The following KIF21A variants were observed in gnomAD, a reference collection of about 807,000 sequenced individuals.
KIF21A encodes kinesin family member 21A.
KIF21A carries 114 observed loss-of-function variants against 202.9 expected under a neutral mutation model. That is an observed-to-expected ratio of 0.56 (90% confidence interval 0.48 to 0.66). KIF21A has a LOEUF of 0.66. Among genes scored for constraint, KIF21A ranks in the 30% least tolerant of loss-of-function variants. The pLI, the probability that KIF21A is intolerant of heterozygous loss-of-function variation, is 0.00. For synonymous variants in KIF21A, 667 were observed against 670.8 expected (o/e 0.99, Z 0.09); for missense variants, 1,677 against 1,994.9 (o/e 0.84, Z 3.04).
intron 1 of KIF21A, among the ~76,000 whole-genome samples, chr12:39,416,906 TAC>T (rs113272244): frequency 2.0e-5 from 3 of 148,668 alleles, no homozygotes; most frequent in African/African-American, 2.5e-5. Flanking sequence ...TATATATATG[TAC>T]ACACACACAC....
chr12:39,358,061 G>A (rs1280368340), intron 8 of KIF21A, 117 bp downstream of exon 8: 1 of 874,836 alleles, frequency 1.1e-6, no homozygotes, highest in Non-Finnish European at 1.9e-6. Context: ...AAGGAAGGAG[G>A]ACACTATTAT....
At chr12:39,334,188 G>C (rs1025206229) in intron 17 of KIF21A, among the ~76,000 whole-genome samples, 1 of 121,120 alleles carries the variant, frequency 8.3e-6, no homozygotes, top group Admixed American at 1.0e-4. Context: ...AGGACACAGT[G>C]AGACTCCATC....
chr12:39,399,110 T>C lies in KIF21A; in HGVS notation c.45-28849A>G, dbSNP rs1951975233. Among the ~76,000 whole-genome samples the C allele has an allele frequency of 2.6e-5, 4 of 152,192 alleles. No homozygotes were observed. The South Asian group carries it at 8.3e-4, about 32-fold the overall frequency. On this transcript the variant is annotated intron_variant, in intron 1 of 37. Coordinates refer to ENST00000361418, the MANE Select transcript of KIF21A (RefSeq NM_001173464.2). The stretch of plus-strand genomic sequence containing the variant: ...GGCATGCACCTGTAGTCCCAGCTAC[T>C]CTGGAGGCTGAGGCTGCAGCATCAC...
chr12:39,300,199 G>A (rs1224865912), intron 37 of KIF21A, among the ~76,000 whole-genome samples: 1 of 152,068 alleles, frequency 6.6e-6, no homozygotes, highest in East Asian at 1.9e-4. Context: ...CAATCCCCAG[G>A]CCTCACTGAT....
chr12:39,438,278 T>C (rs1272705483), intron 1 of KIF21A, among the ~76,000 whole-genome samples: 2 of 152,212 alleles, frequency 1.3e-5, no homozygotes, highest in Non-Finnish European at 2.9e-5. Context: ...AAAGAAATTA[T>C]ATTATTAGGA....
At chr12:39,431,269 G>A (rs1937857840) in intron 1 of KIF21A, among the ~76,000 whole-genome samples, 1 of 152,226 alleles carries the variant, frequency 6.6e-6, no homozygotes, top group Non-Finnish European at 1.5e-5. Flanking sequence ...CACATGAGTT[G>A]AAGGAGACCC....
In KIF21A at chr12:39,342,107, T is replaced by A; in HGVS notation, c.1730A>T (p.Asp577Val). 2.5e-6 allele frequency: 4 copies of A among 1,610,046 alleles called. No individual in the cohort carries two copies. The highest frequency in any genetic ancestry group is 3.4e-6 in the Non-Finnish European group (4 of 1,176,662). ...REERSVAGKE[D>V]NTDTDQEKKE... ...CTTCTCTTGGTCAGTGTCTGTATTA[T>A]CCTCTTTACCAGCCACACTAAAAAA... The change falls in exon 13 of 38, where the codon GAT becomes GTT. Residue 577 changes from aspartate (D) to valine (V), a missense_variant. Physicochemically the swap from Asp to Val is radical, Grantham distance 152. Coordinates refer to ENST00000361418, the MANE Select transcript of KIF21A (RefSeq NM_001173464.2).
At chr12:39,302,229 T>G (rs1943029460) in intron 36 of KIF21A, among the ~76,000 whole-genome samples, 1 of 152,216 alleles carries the variant, frequency 6.6e-6, no homozygotes, top group African/African-American at 2.4e-5. Context: ...CAATATAAAA[T>G]TATAATCATG....
intron 1 of KIF21A, among the ~76,000 whole-genome samples, chr12:39,441,008 CT>C (rs1939494456): frequency 6.6e-6 from 1 of 150,972 alleles, no homozygotes; most frequent in Admixed American, 6.6e-5. Flanking sequence ...CAGCAAAACC[CT>C]ATCTCAAAAA....
chr12:39,424,573 T>C (rs1027595156), intron 1 of KIF21A, among the ~76,000 whole-genome samples: 4 of 152,180 alleles, frequency 2.6e-5, no homozygotes, highest in African/African-American at 9.6e-5. Flanking sequence ...ACAGACAATA[T>C]AGAACTATTA....
chr12:39,297,521 G>T (rs1474807425), intron 37 of KIF21A, among the ~76,000 whole-genome samples: 1 of 146,710 alleles, frequency 6.8e-6, no homozygotes, highest in East Asian at 2.1e-4. Context: ...CTCACTCATA[G>T]GTGGGAAGTG....
chr12:39,426,989 CATA>C (rs1435310017), intron 1 of KIF21A, among the ~76,000 whole-genome samples: 1 of 152,000 alleles, frequency 6.6e-6, no homozygotes, highest in African/African-American at 2.4e-5. Context: ...ATAGCTTACA[CATA>C]ATGTGTTCAT....
chr12:39,411,512 A>G (rs1238779031), intron 1 of KIF21A, among the ~76,000 whole-genome samples: 2 of 152,198 alleles, frequency 1.3e-5, no homozygotes, highest in Non-Finnish European at 2.9e-5. Context: ...ATTTAAAAAT[A>G]TAACACGTAT....
At chr12:39,436,780 A>G (rs1273081907) in intron 1 of KIF21A, among the ~76,000 whole-genome samples, 1 of 152,116 alleles carries the variant, frequency 6.6e-6, no homozygotes, top group Non-Finnish European at 1.5e-5. Flanking sequence ...GCCACGGGAA[A>G]ACTATTTTAA....
At chr12:39,326,384 G>A in intron 24 of KIF21A, 60 bp from the exon 25 acceptor site, 1 of 1,114,814 alleles carries the variant, frequency 9.0e-7, no homozygotes, top group Non-Finnish European at 1.4e-6. Context: ...AATGGTGACT[G>A]CAATCCATAG....
At chr12:39,320,964 G>A (rs557140415) in intron 27 of KIF21A, among the ~76,000 whole-genome samples, 9 of 140,260 alleles carry the variant, frequency 6.4e-5, no homozygotes, top group African/African-American at 2.1e-4. Context: ...AAAAAAGTCT[G>A]GGAAAAAAAA....
chr12:39,395,428 G>A (rs1228951581), intron 1 of KIF21A, among the ~76,000 whole-genome samples: 2 of 150,894 alleles, frequency 1.3e-5, no homozygotes, highest in Non-Finnish European at 2.9e-5. Context: ...CATCTCCTAA[G>A]GTTAAAGCTT....
chr12:39,320,402 A>C (rs933190432), intron 27 of KIF21A, among the ~76,000 whole-genome samples: 13 of 152,180 alleles, frequency 8.5e-5, no homozygotes, highest in African/African-American at 2.9e-4. Flanking sequence ...AGAATATGAG[A>C]AACAATGAGA....
At chr12:39,337,331 C>T (rs1343101437) in intron 16 of KIF21A, 128 bp from the exon 17 acceptor site, 9 of 678,840 alleles carry the variant, frequency 1.3e-5, no homozygotes, top group East Asian at 8.1e-5. Context: ...TTTTGCTGCA[C>T]GTTTAAAGTG....
Sources: allele counts gnomAD v4.1 joint callset (sites outside exome capture counted in the v4.1 genomes callset), GRCh38; gene constraint gnomAD v4.1.1; transcripts MANE v1.5; gene names NCBI Gene and HGNC (gene_info 2026-07-23, HGNC 2026-07-21).